VWA8: variants seen among roughly 807,000 people sequenced by gnomAD.
VWA8 encodes the protein von Willebrand factor A domain containing 8, also known as von Willebrand factor A domain-containing protein 8.
Under a neutral mutation model 241.5 loss-of-function variants are expected in VWA8, and 221 were observed. The observed-to-expected ratio is 0.91, with a 90% CI of 0.82 to 1.02. The LOEUF is 1.02. Ranked by LOEUF, VWA8 falls within the 50% of genes least tolerant of loss-of-function variation. VWA8 has a pLI of 0.00. For missense variants in VWA8, 2,322 were observed against 2,328.7 expected, an observed-to-expected ratio of 1.00 and a Z score of 0.06; for synonymous variants, 852 against 827.1, an observed-to-expected ratio of 1.03 and a Z score of -0.52.
chr13:41,670,100 G>A (rs545234370), intron 37 of VWA8, among the ~76,000 whole-genome samples: 47 of 152,066 alleles, frequency 3.1e-4, no homozygotes, highest in African/African-American at 1.1e-3. Flanking sequence ...AGGTATTGAC[G>A]AAATAGTTTG....
At chr13:41,779,272 TACTC>T (rs1466484549) in intron 19 of VWA8, among the ~76,000 whole-genome samples, 2 of 148,978 alleles carry the variant, frequency 1.3e-5, no homozygotes, top group Non-Finnish European at 3.0e-5. Flanking sequence ...TACATATACA[TACTC>T]ACAGAAATTT....
chr13:41,704,872 T>C (rs556443182), intron 26 of VWA8, among the ~76,000 whole-genome samples: 180 of 152,324 alleles, frequency 1.2e-3, no homozygotes, highest in African/African-American at 4.1e-3. Flanking sequence ...TCTTTAAAAA[T>C]AATATGCACA....
chr13:41,696,347 T>C (rs572009125), intron 29 of VWA8, among the ~76,000 whole-genome samples: 61 of 152,378 alleles, frequency 4.0e-4, no homozygotes, highest in African/African-American at 1.3e-3. Flanking sequence ...ACTACTGATA[T>C]ATTATGCAAT....
At chr13:41,807,751 C>T (rs562499831) in intron 17 of VWA8, 3 of 152,292 alleles carry the variant, frequency 2.0e-5, no homozygotes, top group East Asian at 3.9e-4. Flanking sequence ...CGAGCCCAGG[C>T]GTTCTGGGTT....
At chr13:41,800,523 T>A (rs1869900110) in intron 17 of VWA8, among the ~76,000 whole-genome samples, 1 of 152,146 alleles carries the variant, frequency 6.6e-6, no homozygotes, top group African/African-American at 2.4e-5. Context: ...GCATGCTGGC[T>A]CACACCTGTA....
chr13:41,745,610 C>T (rs998634040), intron 21 of VWA8, among the ~76,000 whole-genome samples: 1 of 152,180 alleles, frequency 6.6e-6, no homozygotes, highest in African/African-American at 2.4e-5. Context: ...TGAAAAAATG[C>T]TTATCATCAC....
intron 38 of VWA8, among the ~76,000 whole-genome samples, chr13:41,614,636 C>T (rs1185122474): frequency 2.0e-5 from 3 of 152,178 alleles, no homozygotes; most frequent in Non-Finnish European, 4.4e-5. Context: ...ATTCTTCATG[C>T]CAGGCACTGT....
chr13:41,591,623 AAAAC>A (rs1344890288), intron 40 of VWA8, among the ~76,000 whole-genome samples: 2 of 151,880 alleles, frequency 1.3e-5, no homozygotes, highest in Middle Eastern at 3.2e-3. Flanking sequence ...TTACAAGAAA[AAAAC>A]AAACAACCCC....
At chr13:41,863,454 T>TATATATA (rs767135880) in intron 12 of VWA8, among the ~76,000 whole-genome samples, 447 of 94,370 alleles carry the variant, frequency 4.7e-3, no homozygotes, top group East Asian at 8.6e-3. Context: ...TATATATATA[T>TATATATA]TCACACACAC....
intron 39 of VWA8, among the ~76,000 whole-genome samples, chr13:41,609,374 G>A (rs2044572850): frequency 1.3e-5 from 2 of 152,150 alleles, no homozygotes; most frequent in Non-Finnish European, 2.9e-5. Flanking sequence ...CTTAATAATA[G>A]TATTGTGAGT....
At chr13:41,881,348 T>C (rs963760793) in intron 9 of VWA8, among the ~76,000 whole-genome samples, 4 of 103,770 alleles carry the variant, frequency 3.9e-5, no homozygotes, top group Admixed American at 1.4e-4. Context: ...TCACTGCTAC[T>C]AGAACATCAT....
At position 41,646,123 on chromosome 13, in the gene VWA8, C is replaced by T. The variant is rs573608621; in HGVS notation, c.4611+24823G>A. Among the ~76,000 whole-genome samples the T allele has an allele frequency of 3.3e-5, 5 of 152,274 alleles. No homozygotes were observed. In the East Asian group the frequency reaches 7.7e-4, roughly 23 times the overall value. ...CTGGGATTGCAGGCATGTGCCACCA[C>T]GCCCAGCTAATTTTGTATTTTTAGT... On this transcript the variant is annotated intron_variant, in intron 37 of 44. Coordinates refer to ENST00000379310, the MANE Select transcript of VWA8 (RefSeq NM_015058.2).
intron 37 of VWA8, among the ~76,000 whole-genome samples, chr13:41,639,074 T>C (rs978763377): frequency 2.6e-5 from 4 of 151,972 alleles, no homozygotes; most frequent in African/African-American, 9.7e-5. Flanking sequence ...GAATATTGTC[T>C]GAGAATGTAG....
intron 21 of VWA8, among the ~76,000 whole-genome samples, chr13:41,745,821 C>A (rs946158507): frequency 1.3e-5 from 2 of 152,088 alleles, no homozygotes; most frequent in African/African-American, 2.4e-5. Context: ...GGATCTAGAA[C>A]TAGAAATACC....
chr13:41,831,574 A>C (rs1871454117), intron 13 of VWA8, among the ~76,000 whole-genome samples: 1 of 149,778 alleles, frequency 6.7e-6, no homozygotes, highest in South Asian at 2.1e-4. Flanking sequence ...GCCTAGACCA[A>C]TTATATCAGA....
In VWA8 at chr13:41,926,458, G is replaced by A. The variant is rs950671604; in HGVS notation, c.242-14290C>T. 2.5e-5 allele frequency: 13 copies of A among 523,804 alleles called. 1 individual carries two copies. The highest frequency in any genetic ancestry group is 7.4e-4 in the Middle Eastern group (2 of 2,716). 32.4% of individuals were successfully genotyped at this position (523,804 alleles called of 1,614,324 possible). Reference sequence around the variant, plus strand: ...AGCTTTTCATCACTTATGACAATGCGCTGGACATGAGAATTGCTCCGGAAC... The same window carrying A: ...AGCTTTTCATCACTTATGACAATGCACTGGACATGAGAATTGCTCCGGAAC... On this transcript the variant is annotated intron_variant, in intron 2 of 44. Coordinates refer to ENST00000379310, the MANE Select transcript of VWA8 (RefSeq NM_015058.2).
chr13:41,940,392 G>T (rs1877543394), intron 2 of VWA8, among the ~76,000 whole-genome samples: 1 of 151,690 alleles, frequency 6.6e-6, no homozygotes, highest in Admixed American at 6.6e-5. Context: ...AAACACCATT[G>T]CCAAAGTACT....
chr13:41,898,877 T>TG (rs11456530), intron 4 of VWA8, among the ~76,000 whole-genome samples: 152,109 of 152,128 alleles, frequency 1, 76,045 homozygotes, highest in Non-Finnish European at 1. Flanking sequence ...GCTCCGAGTG[T>TG]GGGCCCGCCA....
At chr13:41,661,879 T>G (rs977625222) in intron 37 of VWA8, among the ~76,000 whole-genome samples, 1 of 152,212 alleles carries the variant, frequency 6.6e-6, no homozygotes, top group Admixed American at 6.5e-5. Context: ...GGATGTCCAA[T>G]TGTCAAAGCA....
Sources: gnomAD v4.1 joint callset for allele counts (sites outside exome capture counted in the v4.1 genomes callset) on GRCh38, gnomAD v4.1.1 for gene constraint, MANE v1.5 for transcripts, NCBI Gene and HGNC (gene_info 2026-07-23, HGNC 2026-07-21) for gene names.